The following ANKRD13C variants were observed in gnomAD, a reference collection of about 807,000 sequenced individuals.
ANKRD13C encodes the protein ankyrin repeat domain-containing protein 13C.
ANKRD13C carries 16 observed loss-of-function variants against 65.5 expected under a neutral mutation model. The observed-to-expected ratio is 0.24, with a 90% confidence interval of 0.17 to 0.37. ANKRD13C has a LOEUF of 0.37. ANKRD13C is among the 10% of genes least tolerant of loss of function. The pLI is 1.00. For synonymous variants in ANKRD13C, 235 were observed against 238.7 expected, an observed-to-expected ratio of 0.98 and a Z score of 0.14; for missense variants, 503 against 655.9, an observed-to-expected ratio of 0.77 and a Z score of 2.55.
At chr1:70,332,294 G>C (rs1422245676) in intron 2 of ANKRD13C, among the ~76,000 whole-genome samples, 1 of 152,108 alleles carries the variant, frequency 6.6e-6, no homozygotes, top group Admixed American at 6.6e-5. Context: ...TTTCTAACAA[G>C]TTCCACAACA....
Position 70,260,447 on chromosome 1 carries a change from T to C in ANKRD13C, c.*2270A>G, listed in dbSNP as rs576660617. The C allele has an allele frequency of 6.6e-6, 1 of 152,164 alleles. No homozygotes were observed. The highest frequency in any genetic ancestry group is 1.5e-5 in the Non-Finnish European group (1 of 67,996). The allele number at this position is 152,164 out of a possible 1,614,324, so 9.4% of individuals were successfully genotyped here. A position where few individuals can be genotyped will look rare whatever the true frequency, so the allele number is the denominator to read the frequency against. On this transcript the variant is annotated 3_prime_UTR_variant, in exon 13 of 13. Transcript: ENST00000370944. ...AAAATCACAAATGGAGAAGAACATA[T>C]AGAATTTTGTGTACCTACATTGCAA...
intron 8 of ANKRD13C, among the ~76,000 whole-genome samples, chr1:70,295,052 A>C (rs1680020909): frequency 6.6e-6 from 1 of 151,726 alleles, no homozygotes; most frequent in African/African-American, 2.4e-5. Flanking sequence ...TTTGTTTCTC[A>C]GAGAACCCTA....
chr1:70,324,337 G>T (rs916402430), intron 3 of ANKRD13C, among the ~76,000 whole-genome samples: 4 of 152,176 alleles, frequency 2.6e-5, no homozygotes, highest in African/African-American at 9.6e-5. Flanking sequence ...GGAGGAGGGA[G>T]AGTGGAATAA....
chr1:70,285,970 A>C (rs978889053), intron 9 of ANKRD13C, among the ~76,000 whole-genome samples: 2 of 152,182 alleles, frequency 1.3e-5, no homozygotes, highest in Non-Finnish European at 2.9e-5. Flanking sequence ...TATAAACAAA[A>C]TACATACAAA....
intron 6 of ANKRD13C, among the ~76,000 whole-genome samples, chr1:70,304,280 T>C (rs1421948367): frequency 6.6e-6 from 1 of 152,164 alleles, no homozygotes; most frequent in African/African-American, 2.4e-5. Context: ...TTTGGTTTTA[T>C]TACCTATAGT....
chr1:70,318,636 T>C (rs921600438), intron 3 of ANKRD13C, among the ~76,000 whole-genome samples: 3 of 151,914 alleles, frequency 2.0e-5, no homozygotes, highest in African/African-American at 7.3e-5. Context: ...ATTTTATCAT[T>C]ACCCATATCC....
In ANKRD13C at chr1:70,260,386, C is replaced by T. The variant is rs538911534; in HGVS notation, c.*2331G>A. On this transcript the variant is annotated 3_prime_UTR_variant, in exon 13 of 13. Transcript: ENST00000370944. Reference sequence around the variant, plus strand: ...ATTTCTAAATGGCTATTGAAGATGACTATACGATTGTCCCCCTACCAATTT... The same window carrying T: ...ATTTCTAAATGGCTATTGAAGATGATTATACGATTGTCCCCCTACCAATTT... Among the ~76,000 whole-genome samples, 1 of 152,242 alleles carries T rather than the reference C, an allele frequency of 6.6e-6. No individual in the cohort carries two copies. The highest frequency in any genetic ancestry group is 2.4e-5 in the African/African-American group (1 of 41,566).
At chr1:70,296,393 A>T (rs1680083354) in intron 7 of ANKRD13C, 132 bp from the exon 8 acceptor site, 2 of 867,032 alleles carry the variant, frequency 2.3e-6, no homozygotes, top group Admixed American at 2.9e-5. Context: ...AAATAATGTG[A>T]AGTGTTACTT....
At chr1:70,312,822 T>C (rs1280917295) in intron 5 of ANKRD13C, among the ~76,000 whole-genome samples, 2 of 152,108 alleles carry the variant, frequency 1.3e-5, no homozygotes, top group South Asian at 2.1e-4. Flanking sequence ...TCAAATTTCA[T>C]ATTTGGATAT....
At chr1:70,347,567 A>C (rs1187555300) in intron 1 of ANKRD13C, among the ~76,000 whole-genome samples, 1 of 152,182 alleles carries the variant, frequency 6.6e-6, no homozygotes, top group Non-Finnish European at 1.5e-5. Flanking sequence ...AGTGCAGAAA[A>C]GGGGAGAAGA....
At chr1:70,275,102 CATT>C (rs1679070853) in intron 10 of ANKRD13C, among the ~76,000 whole-genome samples, 1 of 151,998 alleles carries the variant, frequency 6.6e-6, no homozygotes, top group African/African-American at 2.4e-5. Context: ...TAAAGAAAAT[CATT>C]AGTAAAAAAA....
At chr1:70,319,413 C>G (rs1194377823) in intron 3 of ANKRD13C, among the ~76,000 whole-genome samples, 22 of 152,028 alleles carry the variant, frequency 1.4e-4, no homozygotes, top group Admixed American at 9.2e-4. Flanking sequence ...CAAGACCAGC[C>G]TGGCCAACAT....
chr1:70,285,396 C>T (rs181835463), intron 9 of ANKRD13C, among the ~76,000 whole-genome samples: 89 of 151,816 alleles, frequency 5.9e-4, no homozygotes, highest in African/African-American at 2.0e-3. Context: ...GGTTTCACCA[C>T]GTTGGCCAGG....
chr1:70,335,154 C>T (rs942814988), intron 2 of ANKRD13C, among the ~76,000 whole-genome samples: 6 of 151,964 alleles, frequency 3.9e-5, no homozygotes, highest in Non-Finnish European at 8.8e-5. Flanking sequence ...CACCTGTAAT[C>T]CCAGCACTTT....
chr1:70,347,630 C>A (rs180891800), intron 1 of ANKRD13C, among the ~76,000 whole-genome samples: 1 of 152,172 alleles, frequency 6.6e-6, no homozygotes, highest in Admixed American at 6.5e-5. Flanking sequence ...CTTATCACAA[C>A]ATTTGTAAGC....
intron 2 of ANKRD13C, among the ~76,000 whole-genome samples, chr1:70,326,231 CAAAAAAAAA>C (rs59618915): frequency 6.4e-5 from 2 of 31,068 alleles, no homozygotes; most frequent in Non-Finnish European, 1.2e-4. Context: ...AACTCTGTCT[CAAAAAAAAA>C]AAAAAAAAAA....
intron 11 of ANKRD13C, among the ~76,000 whole-genome samples, chr1:70,273,222 T>A (rs768597151): frequency 6.6e-6 from 1 of 152,058 alleles, no homozygotes; most frequent in Non-Finnish European, 1.5e-5. Flanking sequence ...ATGTACTTTT[T>A]AAAAATATAT....
chr1:70,280,926 T>C (rs942768512), intron 9 of ANKRD13C, among the ~76,000 whole-genome samples: 1 of 152,016 alleles, frequency 6.6e-6, no homozygotes, highest in Non-Finnish European at 1.5e-5. Flanking sequence ...ATAGACTAAA[T>C]AGACTCAAGA....
chr1:70,313,932 TATA>T (rs550059384), intron 4 of ANKRD13C, 142 bp from the exon 5 acceptor site: 524 of 506,488 alleles, frequency 1.0e-3, no homozygotes, highest in Non-Finnish European at 1.6e-3. Flanking sequence ...CTGTATATTT[TATA>T]ATATTTTAAT....
Sources: gnomAD v4.1 joint callset for allele counts (sites outside exome capture counted in the v4.1 genomes callset) on GRCh38, gnomAD v4.1.1 for gene constraint, MANE v1.5 for transcripts, NCBI Gene and HGNC (gene_info 2026-07-23, HGNC 2026-07-21) for gene names.